ARHGAP39: variants seen among roughly 807,000 people sequenced by gnomAD.
ARHGAP39 encodes the protein Rho GTPase activating protein 39, also known as rho GTPase-activating protein 39.
ARHGAP39 carries 44 observed loss-of-function variants against 106.9 expected under a neutral mutation model. The observed-to-expected ratio is 0.41, with a 90% CI of 0.32 to 0.53. The LOEUF is 0.53. ARHGAP39 is among the 20% of genes least tolerant of loss of function. The pLI, the probability that ARHGAP39 is intolerant of heterozygous loss-of-function variation, is 0.21. For synonymous variants in ARHGAP39, 768 were observed against 693.2 expected (o/e 1.11, Z -1.69); for missense variants, 1,496 against 1,577.3 (o/e 0.95, Z 0.87).
intron 3 of ARHGAP39, among the ~76,000 whole-genome samples, chr8:144,573,462 G>T (rs188158357): frequency 6.6e-6 from 1 of 151,504 alleles, no homozygotes; most frequent in African/African-American, 2.4e-5. Context: ...GTTGGGGGGT[G>T]GGGGGCTGGG....
chr8:144,675,810 T>C (rs1331803958), intron 1 of ARHGAP39, among the ~76,000 whole-genome samples: 3 of 152,050 alleles, frequency 2.0e-5, no homozygotes, highest in Non-Finnish European at 4.4e-5. Flanking sequence ...ACCTTCGTGG[T>C]TAGTATTACA....
chr8:144,603,571 TC>T (rs763488505), intron 2 of ARHGAP39, among the ~76,000 whole-genome samples: 5 of 151,120 alleles, frequency 3.3e-5, no homozygotes, highest in Non-Finnish European at 5.9e-5. Context: ...GCACCTGTAA[TC>T]CCAGCTACTC....
rs758023189 is a variant in ARHGAP39 at position 144,530,839 on chromosome 8, C to A, written c.3013G>T (p.Glu1005Ter). ...AACTCGTGCGGGATCAGGGGCTCCT[C>A]CAGCTCCCGGTACCACAGCTTCAGC... is the stretch of plus-strand genomic sequence containing the variant. ...SLLKLWYREL[E>*]EPLIPHEFYE... The change falls in exon 11 of 12, where the codon GAG becomes TAG. Residue 1005 changes from glutamate to a stop codon, truncating the protein, a stop_gained. Coordinates refer to ENST00000377307, the MANE Select transcript of ARHGAP39 (RefSeq NM_025251.3). LOFTEE classifies it high-confidence loss of function. 6.2e-7 allele frequency: 1 copy of A among 1,610,890 alleles called. No homozygotes were observed.
chr8:144,601,512 G>A (rs577809018), intron 2 of ARHGAP39, among the ~76,000 whole-genome samples: 147 of 139,670 alleles, frequency 1.1e-3, no homozygotes, highest in Middle Eastern at 4.5e-3. Context: ...GTGGAGGCAT[G>A]TGTGTGCTCA....
intron 2 of ARHGAP39, among the ~76,000 whole-genome samples, chr8:144,588,176 G>A (rs1165371687): frequency 6.6e-6 from 1 of 152,216 alleles, no homozygotes; most frequent in Non-Finnish European, 1.5e-5. Flanking sequence ...CGTTGCCCTG[G>A]GCCTGCAGCT....
intron 1 of ARHGAP39, among the ~76,000 whole-genome samples, chr8:144,620,079 CGA>C (rs1659291621): frequency 1.6e-5 from 2 of 128,952 alleles, no homozygotes; most frequent in African/African-American, 3.0e-5. Flanking sequence ...TGTGTGTGCC[CGA>C]GTGTGCGTTG....
Position 144,585,695 on chromosome 8 carries a change from C to T in ARHGAP39, c.81-4418G>A, listed in dbSNP as rs887297949. Among the ~76,000 whole-genome samples the T allele has an allele frequency of 5.3e-5, 8 of 152,190 alleles. No individual in the cohort carries two copies. Among genetic ancestry groups the T allele is most frequent in the African/African-American group, 1.4e-4 (6 of 41,448 alleles). The stretch of plus-strand genomic sequence containing the variant: ...AGGACCTCCCGCCCATGGTGCCACG[C>T]GCTGCAGCCTGGGCCTCCCGAGGAT... On this transcript the variant is annotated intron_variant, in intron 2 of 11. Coordinates refer to ENST00000377307, the MANE Select transcript of ARHGAP39 (RefSeq NM_025251.3). This position sits in a 1 kb window ranked among gnomAD's most constrained non-coding sequence, Gnocchi z 4.6.
intron 1 of ARHGAP39, among the ~76,000 whole-genome samples, chr8:144,656,386 G>A (rs1270194226): frequency 1.3e-5 from 2 of 152,148 alleles, no homozygotes. Flanking sequence ...ATGTGATTAA[G>A]AGGGTCAATT....
rs532761153 is a variant in ARHGAP39 at position 144,671,228 on chromosome 8, C to A, written c.-82+14458G>T. On this transcript the variant is annotated intron_variant, in intron 1 of 11. Transcript: ENST00000377307. The surrounding 1 kb of genome is among the most constrained non-coding windows in gnomAD (Gnocchi z 4.5). ...GTCTCTGCCCTGCAGCATCTCCCAG[C>A]CAGGGGCACAGGGTCACCAACAGGC... is the stretch of plus-strand genomic sequence containing the variant. Among the ~76,000 whole-genome samples, 97 of 152,376 alleles carry A rather than the reference C, an allele frequency of 6.4e-4. No homozygotes were observed. Among genetic ancestry groups the A allele is most frequent in the African/African-American group, 2.3e-3 (95 of 41,588 alleles).
At chr8:144,686,370 A>G (rs927018608), upstream of ARHGAP39, among the ~76,000 whole-genome samples, 4 of 151,902 alleles carry the variant, frequency 2.6e-5, no homozygotes, top group African/African-American at 4.8e-5. Context: ...CTAGTGCTCT[A>G]TTCGGCGTTT....
intron 3 of ARHGAP39, among the ~76,000 whole-genome samples, chr8:144,573,446 C>T (rs925519030): frequency 2.7e-5 from 3 of 112,270 alleles, no homozygotes; most frequent in African/African-American, 3.5e-5. Context: ...TCACACACCA[C>T]GGCCTGTTGG....
chr8:144,540,259 G>A (rs943350314), intron 6 of ARHGAP39, among the ~76,000 whole-genome samples: 3 of 152,140 alleles, frequency 2.0e-5, no homozygotes, highest in East Asian at 3.8e-4. Context: ...AGCCAGGTGC[G>A]GTGGTTCAGG....
At chr8:144,575,756 T>C (rs1408529865) in intron 3 of ARHGAP39, among the ~76,000 whole-genome samples, 1 of 152,196 alleles carries the variant, frequency 6.6e-6, no homozygotes, top group Non-Finnish European at 1.5e-5. Context: ...CGTATCATCA[T>C]CATGGTCAAG....
rs1821306984 is a variant in ARHGAP39, at chr8:144,641,234, G to A, written c.-81-35539C>T. On this transcript the variant is annotated intron_variant, in intron 1 of 11. Coordinates refer to ENST00000377307, the MANE Select transcript of ARHGAP39 (RefSeq NM_025251.3). The surrounding 1 kb of genome is among the most constrained non-coding windows in gnomAD (Gnocchi z 5.2). ...TAGTCTATGACATCTGGGACCCTGG[G>A]GCACCGGTCTCTGGCCCTCAAGGCA... is the stretch of plus-strand genomic sequence containing the variant. Among the ~76,000 whole-genome samples the A allele has an allele frequency of 6.6e-6, 1 of 152,076 alleles. No individual in the cohort carries two copies. The highest frequency in any genetic ancestry group is 1.5e-5 in the Non-Finnish European group (1 of 68,014).
rs186851419 is a variant in ARHGAP39 at position 144,561,704 on chromosome 8, A to G, written c.513-6061T>C. Among the ~76,000 whole-genome samples, 689 of 136,092 alleles carry G rather than the reference A, an allele frequency of 5.1e-3. 3 individuals carry two copies. Among genetic ancestry groups the G allele is most frequent in the African/African-American group, 0.02 (621 of 30,966 alleles). 89.3% of individuals were successfully genotyped at this position (136,092 alleles called of 152,430 possible). A position where few individuals can be genotyped will look rare whatever the true frequency, so the allele number is the denominator to read the frequency against. ...CCATCGCGCTCCAGTGGTTTCCATC[A>G]CACTCCAGTGGTTTCCATCGGACTT... On this transcript the variant is annotated intron_variant, in intron 3 of 11. Transcript: ENST00000377307.
chr8:144,547,421 C>T lies in ARHGAP39; in HGVS notation c.1665G>A (p.Ala555=). 1 of 1,590,942 alleles carries T rather than the reference C, an allele frequency of 6.3e-7. No individual in the cohort carries two copies. The highest frequency in any genetic ancestry group is 8.5e-7 in the Non-Finnish European group (1 of 1,175,402). ...GARGAAEPFL[A]QARLAWEAQQ... ...GCGCCTCCCAGGCCAGCCGAGCCTG[C>T]GCCAGGAAGGGCTCGGCCGCGCCCC... Residue 555 remains alanine, a synonymous_variant, in exon 5 of 12, where the codon GCG becomes GCA. Coordinates refer to ENST00000377307, the MANE Select transcript of ARHGAP39 (RefSeq NM_025251.3). The surrounding 1 kb of genome is among the most constrained non-coding windows in gnomAD (Gnocchi z 5.2).
upstream of ARHGAP39, among the ~76,000 whole-genome samples, chr8:144,687,414 CCACA>C (rs2129794945): frequency 3.3e-4 from 2 of 5,972 alleles, 1 homozygote; most frequent in East Asian, 0.017. Flanking sequence ...CACCCCGTGA[CCACA>C]CACTGGCGGT....
the ARHGAP39 span, among the ~76,000 whole-genome samples, chr8:144,694,063 C>G: frequency 4.6e-5 from 7 of 152,112 alleles, no homozygotes; most frequent in African/African-American, 1.7e-4. Flanking sequence ...GGAGGCCTAC[C>G]AAGAGGAGAA....
rs1426352801 is a variant in ARHGAP39 at position 144,646,429 on chromosome 8, C to T, written c.-82+39257G>A. Among the ~76,000 whole-genome samples, 3 of 151,818 alleles carry T rather than the reference C, an allele frequency of 2.0e-5. No homozygotes were observed. The highest frequency in any genetic ancestry group is 4.8e-5 in the African/African-American group (2 of 41,294). On this transcript the variant is annotated intron_variant, in intron 1 of 11. Coordinates refer to ENST00000377307, the MANE Select transcript of ARHGAP39 (RefSeq NM_025251.3). This position sits in a 1 kb window ranked among gnomAD's most constrained non-coding sequence, Gnocchi z 5.7. ...TTTGTTTTTAATCCTGTGAAAGTAT[C>T]GATAGCCAAAAAACTAAATTTTAAA...
Sources: gnomAD v4.1 joint callset for allele counts (sites outside exome capture counted in the v4.1 genomes callset) on GRCh38, gnomAD v4.1.1 for gene constraint, Gnocchi (gnomAD v3.1) non-coding constraint, MANE v1.5 for transcripts, NCBI Gene and HGNC (gene_info 2026-07-23, HGNC 2026-07-21) for gene names.